ADGRL2: variants seen among roughly 807,000 people sequenced by gnomAD.
ADGRL2 encodes adhesion G protein-coupled receptor L2.
A neutral mutation model predicts 157.4 loss-of-function variants in ADGRL2; 44 were observed. The ratio of observed to expected loss-of-function variants is 0.28; its 90% CI spans 0.22 to 0.36. The LOEUF is 0.36. Ranked by LOEUF, ADGRL2 falls within the 10% of genes least tolerant of loss-of-function variation. The pLI, the probability that ADGRL2 is intolerant of heterozygous loss-of-function variation, is 1.00. For synonymous variants in ADGRL2, 585 were observed against 624.7 expected, an observed-to-expected ratio of 0.94 and a Z score of 0.95; for missense variants, 1,510 against 1,768.9, an observed-to-expected ratio of 0.85 and a Z score of 2.63.
At chr1:81,470,703 T>G (rs1207769409) in intron 2 of ADGRL2, among the ~76,000 whole-genome samples, 1 of 152,174 alleles carries the variant, frequency 6.6e-6, no homozygotes, top group Non-Finnish European at 1.5e-5. Context: ...CACATACATG[T>G]CACATGATGA....
At chr1:81,340,893 G>GTTTTTTTTTTTT (rs34286374) in intron 1 of ADGRL2, among the ~76,000 whole-genome samples, 1 of 145,208 alleles carries the variant, frequency 6.9e-6, no homozygotes. Flanking sequence ...GGGAGCAAAG[G>GTTTTTTTTTTTT]TTTTTTTTTT....
intron 2 of ADGRL2, among the ~76,000 whole-genome samples, chr1:81,850,482 A>G (rs1394240724): frequency 6.6e-6 from 1 of 151,906 alleles, no homozygotes; most frequent in African/African-American, 2.4e-5. Flanking sequence ...CATGGTGTGA[A>G]GTTCACAGAC....
At chr1:81,479,403 A>C (rs1253733301) in intron 2 of ADGRL2, among the ~76,000 whole-genome samples, 2 of 152,090 alleles carry the variant, frequency 1.3e-5, no homozygotes, top group African/African-American at 4.8e-5. Context: ...GAATCACTTG[A>C]ACCCAGGATG....
intron 1 of ADGRL2, among the ~76,000 whole-genome samples, chr1:81,712,952 T>A (rs12071144): frequency 5.3e-5 from 8 of 151,812 alleles, no homozygotes; most frequent in African/African-American, 1.7e-4. Flanking sequence ...GGGACAGCAT[T>A]TCACCATGTT....
At chr1:81,574,268 T>G (rs1421066310) in intron 2 of ADGRL2, among the ~76,000 whole-genome samples, 1 of 152,004 alleles carries the variant, frequency 6.6e-6, no homozygotes. Context: ...TGGTTTAAGC[T>G]GCAGAAGGAG....
chr1:81,472,364 A>G (rs2078188565), intron 2 of ADGRL2, among the ~76,000 whole-genome samples: 1 of 152,238 alleles, frequency 6.6e-6, no homozygotes, highest in African/African-American at 2.4e-5. Context: ...CATGGCTCAC[A>G]CCTGTAATCC....
chr1:81,580,167 C>G (rs1458921626), intron 2 of ADGRL2, among the ~76,000 whole-genome samples: 1 of 152,124 alleles, frequency 6.6e-6, no homozygotes, highest in Non-Finnish European at 1.5e-5. Flanking sequence ...TAATCCACTG[C>G]AGATTTCCTT....
At chr1:81,702,680 G>T (rs2149038367) in intron 1 of ADGRL2, among the ~76,000 whole-genome samples, 1 of 152,266 alleles carries the variant, frequency 6.6e-6, no homozygotes, top group South Asian at 2.1e-4. Flanking sequence ...AAATATGTAT[G>T]AATTAAGAAA....
intron 2 of ADGRL2, among the ~76,000 whole-genome samples, chr1:81,466,750 C>T (rs1348966316): frequency 6.6e-6 from 1 of 152,054 alleles, no homozygotes; most frequent in Non-Finnish European, 1.5e-5. Flanking sequence ...GCTAGCAAGT[C>T]TGTTCATTTA....
intron 3 of ADGRL2, among the ~76,000 whole-genome samples, chr1:81,640,334 G>T (rs986335020): frequency 1.3e-5 from 2 of 151,904 alleles, no homozygotes; most frequent in Non-Finnish European, 2.9e-5. Flanking sequence ...AGGAGAAATT[G>T]TCAAATAAAA....
chr1:81,987,538 T>C (rs1663535319), intron 22 of ADGRL2: 3 of 584,022 alleles, frequency 5.1e-6, no homozygotes, highest in Non-Finnish European at 9.2e-6. Flanking sequence ...AATTTCAGAA[T>C]AAAGTTAATA....
chr1:81,456,469 C>G (rs190126405), intron 2 of ADGRL2, among the ~76,000 whole-genome samples: 2 of 152,190 alleles, frequency 1.3e-5, no homozygotes, highest in African/African-American at 4.8e-5. Flanking sequence ...AAGCCCTGGC[C>G]TCAAGCTGTC....
At chr1:81,621,595 C>A (rs1225391653) in intron 3 of ADGRL2, among the ~76,000 whole-genome samples, 1 of 152,146 alleles carries the variant, frequency 6.6e-6, no homozygotes, top group Non-Finnish European at 1.5e-5. Flanking sequence ...AATTTTCCAA[C>A]AACATAAATG....
intron 1 of ADGRL2, among the ~76,000 whole-genome samples, chr1:81,405,962 G>A (rs1286044517): frequency 6.6e-6 from 1 of 152,048 alleles, no homozygotes; most frequent in African/African-American, 2.4e-5. Flanking sequence ...TTAATCTGAG[G>A]TTTCAGGCAC....
At chr1:81,397,256 A>G (rs1441580215) in intron 1 of ADGRL2, among the ~76,000 whole-genome samples, 3 of 147,888 alleles carry the variant, frequency 2.0e-5, no homozygotes, top group Non-Finnish European at 3.0e-5. Context: ...GCACAGAGCT[A>G]TTCATAATGG....
chr1:81,356,605 C>T (rs1033707137), intron 1 of ADGRL2, among the ~76,000 whole-genome samples: 2 of 152,122 alleles, frequency 1.3e-5, no homozygotes, highest in African/African-American at 2.4e-5. Context: ...TGACAGAAAC[C>T]TTCTAAGCAT....
At chr1:81,426,024 AC>A (rs1557680160) in intron 1 of ADGRL2, among the ~76,000 whole-genome samples, 2 of 151,996 alleles carry the variant, frequency 1.3e-5, no homozygotes, top group Non-Finnish European at 2.9e-5. Flanking sequence ...GCACCACCAC[AC>A]CCAGCCAACA....
chr1:81,765,368 C>T (rs1030074167), intron 2 of ADGRL2, among the ~76,000 whole-genome samples: 9 of 151,832 alleles, frequency 5.9e-5, no homozygotes, highest in African/African-American at 2.2e-4. Context: ...TTGTCTATAA[C>T]CAAAATCAGG....
chr1:81,908,343 T>G (rs939523391), intron 3 of ADGRL2, among the ~76,000 whole-genome samples: 3 of 152,176 alleles, frequency 2.0e-5, no homozygotes, highest in African/African-American at 7.2e-5. Context: ...TCCTAACTAC[T>G]GGTAGCCACA....
Sources: gnomAD v4.1 joint callset for allele counts (sites outside exome capture counted in the v4.1 genomes callset) on GRCh38, gnomAD v4.1.1 for gene constraint, MANE v1.5 for transcripts, NCBI Gene and HGNC (gene_info 2026-07-23, HGNC 2026-07-21) for gene names.